CIB1: variants seen among roughly 807,000 people sequenced by gnomAD.
CIB1 encodes calcium and integrin binding 1, also known as calcium and integrin-binding protein 1.
Under a neutral mutation model 25.0 loss-of-function variants are expected in CIB1, and 19 were observed. The ratio of observed to expected loss-of-function variants is 0.76; its 90% CI spans 0.53 to 1.12. The LOEUF is 1.12. Among genes scored for constraint, CIB1 ranks in the 50% most tolerant of loss-of-function variants. CIB1 has a pLI of 0.00. For synonymous variants in CIB1, 104 were observed against 98.5 expected, an observed-to-expected ratio of 1.06 and a Z score of -0.33; for missense variants, 236 against 242.6, an observed-to-expected ratio of 0.97 and a Z score of 0.18.
At chr15:90,253,418 C>G in the CIB1 span, 1 of 1,390,030 alleles carries the variant, frequency 7.2e-7, no homozygotes, top group African/African-American at 1.4e-5. Context: ...CCCAGAATGA[C>G]TATTCCCACC....
the CIB1 span, chr15:90,265,382 A>C: frequency 8.1e-7 from 1 of 1,241,462 alleles, no homozygotes; most frequent in Non-Finnish European, 1.0e-6. Flanking sequence ...CTGCCCACCG[A>C]GGTGGCGGAG....
rs779349877 is a variant in CIB1, at chr15:90,232,443, C to T, written c.87-116G>A. ...AGGTGAGGAGCTAAAACCACGTACA[C>T]AGAACTTCCGAGTCATCAGGCAACG... On this transcript the variant is annotated intron_variant, in intron 2 of 6. Coordinates refer to ENST00000328649, the MANE Select transcript of CIB1 (RefSeq NM_006384.4). The T allele has an allele frequency of 1.3e-4, 190 of 1,433,222 alleles. No homozygotes were observed. The highest frequency in any genetic ancestry group is 1.6e-4 in the Non-Finnish European group (180 of 1,092,326). The allele number at this position is 1,433,222 out of a possible 1,614,324, so 88.8% of individuals were successfully genotyped here.
chr15:90,251,114 C>T, the CIB1 span, among the ~76,000 whole-genome samples: 38 of 104,654 alleles, frequency 3.6e-4, no homozygotes, highest in African/African-American at 6.7e-4. Flanking sequence ...CCTGGTCTGT[C>T]TTTTTTTTTT....
chr15:90,255,637 A>G, the CIB1 span: 1 of 1,444,700 alleles, frequency 6.9e-7, no homozygotes, highest in Non-Finnish European at 9.6e-7. Context: ...TGCAGTGCTT[A>G]CCTCCACTGT....
In CIB1 at chr15:90,230,370, A is replaced by C. The variant is rs573429974; in HGVS notation, c.*114T>G. 118 of 1,271,770 alleles carry C rather than the reference A, an allele frequency of 9.3e-5. No homozygotes were observed. In the South Asian group the frequency reaches 1.5e-3, roughly 16 times the overall value. The allele number at this position is 1,271,770 out of a possible 1,614,324, so 78.8% of individuals were successfully genotyped here. ...GCCCGGGGTGAGGCTGCACAGCGCC[A>C]GCTCCAGGCTGGGCCAGCTTGGCCC... On this transcript the variant is annotated 3_prime_UTR_variant, in exon 7 of 7. Transcript: ENST00000328649.
chr15:90,239,950 G>A, the CIB1 span, among the ~76,000 whole-genome samples: 16 of 152,010 alleles, frequency 1.1e-4, no homozygotes, highest in Non-Finnish European at 1.8e-4. Flanking sequence ...GTGGCTGGGC[G>A]CAGTGGCTCA....
At chr15:90,241,431 C>A in the CIB1 span, 14 of 1,613,448 alleles carry the variant, frequency 8.7e-6, no homozygotes, top group East Asian at 4.5e-5. Context: ...TGAGCCTGCC[C>A]GCCAGCTCCC....
At chr15:90,251,399 C>T in the CIB1 span, among the ~76,000 whole-genome samples, 2 of 150,798 alleles carry the variant, frequency 1.3e-5, no homozygotes, top group South Asian at 2.1e-4. Context: ...GCTGGGATTA[C>T]AGGCATGAGC....
the CIB1 span, chr15:90,265,346 C>A: frequency 3.8e-5 from 46 of 1,222,526 alleles, no homozygotes; most frequent in Non-Finnish European, 4.3e-5. Context: ...GGGCTGTCGC[C>A]GTCAGAAGAC....
chr15:90,252,958 G>A, the CIB1 span, among the ~76,000 whole-genome samples: 2 of 152,078 alleles, frequency 1.3e-5, no homozygotes, highest in African/African-American at 2.4e-5. Context: ...AGCCAAGACC[G>A]TGCCACTGCA....
At chr15:90,241,452 C>T in the CIB1 span, 1 of 1,613,604 alleles carries the variant, frequency 6.2e-7, no homozygotes, top group Admixed American at 1.7e-5. Context: ...CCAGCGCCTG[C>T]TGCCGGGTGC....
chr15:90,260,878 A>AAAGG, the CIB1 span, among the ~76,000 whole-genome samples: 58 of 151,228 alleles, frequency 3.8e-4, 1 homozygote, highest in East Asian at 5.1e-3. Flanking sequence ...AGAGAGAAAG[A>AAAGG]AAGGAAGGAA....
At chr15:90,263,833 G>T in the CIB1 span, 1 of 748,120 alleles carries the variant, frequency 1.3e-6, no homozygotes, top group Non-Finnish European at 2.3e-6. Flanking sequence ...CACAGAGCAG[G>T]GCGCTCCTCA....
the CIB1 span, chr15:90,253,156 G>T: frequency 5.6e-6 from 5 of 898,500 alleles, no homozygotes; most frequent in Admixed American, 4.3e-5. Flanking sequence ...CCTGCCCTCG[G>T]GTCAGGTGTA....
chr15:90,265,616 C>A, the CIB1 span: 1,668 of 1,492,374 alleles, frequency 1.1e-3, 14 homozygotes, highest in African/African-American at 0.02. Flanking sequence ...TAACTTGCTA[C>A]TACCCAGCCT....
the CIB1 span, chr15:90,256,372 G>C: frequency 2.5e-6 from 4 of 1,584,764 alleles, no homozygotes; most frequent in Non-Finnish European, 3.5e-6. Flanking sequence ...CAAAAGCCAG[G>C]GAGGAAGCTG....
the CIB1 span, among the ~76,000 whole-genome samples, chr15:90,248,096 G>C: frequency 6.6e-6 from 1 of 151,850 alleles, no homozygotes. Flanking sequence ...CTGAAGTGCA[G>C]TGGCATAATC....
intron 2 of CIB1, among the ~76,000 whole-genome samples, chr15:90,232,621 A>T (rs1042346264): frequency 1.3e-5 from 2 of 152,154 alleles, no homozygotes; most frequent in African/African-American, 4.8e-5. Context: ...GGCCCTAAAG[A>T]ATTGGCCAGG....
At chr15:90,236,723 A>G (rs1962642955), upstream of CIB1, among the ~76,000 whole-genome samples, 1 of 151,420 alleles carries the variant, frequency 6.6e-6, no homozygotes, top group African/African-American at 2.4e-5. Context: ...TTTTTAGTAG[A>G]GACGGGGTTT....
Sources: gnomAD v4.1 joint callset for allele counts (sites outside exome capture counted in the v4.1 genomes callset) on GRCh38, gnomAD v4.1.1 for gene constraint, MANE v1.5 for transcripts, NCBI Gene and HGNC (gene_info 2026-07-23, HGNC 2026-07-21) for gene names.